SPOCK3: variants seen among roughly 807,000 people sequenced by gnomAD.
SPOCK3 encodes testican-3.
Under a neutral mutation model 56.6 loss-of-function variants are expected in SPOCK3, and 30 were observed. That is an observed-to-expected ratio of 0.53 (90% CI 0.40 to 0.72). The LOEUF (loss-of-function observed/expected upper bound fraction) is 0.72, where lower values mean the gene tolerates loss of function less well. Among genes scored for constraint, SPOCK3 ranks in the 30% least tolerant of loss-of-function variants. The pLI, the probability that SPOCK3 is intolerant of heterozygous loss-of-function variation, is 0.00. For missense variants in SPOCK3, 527 were observed against 530.0 expected, an observed-to-expected ratio of 0.99 and a Z score of 0.06; for synonymous variants, 196 against 183.3, an observed-to-expected ratio of 1.07 and a Z score of -0.56.
intron 2 of SPOCK3, among the ~76,000 whole-genome samples, chr4:167,214,659 G>C (rs1735193420): frequency 6.6e-6 from 1 of 152,014 alleles, no homozygotes; most frequent in South Asian, 2.1e-4. Flanking sequence ...TCACTTTTCT[G>C]TAATTTTACA....
intron 7 of SPOCK3, among the ~76,000 whole-genome samples, chr4:166,767,200 C>A (rs929657844): frequency 2.0e-5 from 3 of 152,108 alleles, no homozygotes; most frequent in Non-Finnish European, 2.9e-5. Flanking sequence ...CAGTTCTGCT[C>A]TGATCTTAGT....
intron 2 of SPOCK3, among the ~76,000 whole-genome samples, chr4:167,233,007 A>T (rs1243867179): frequency 1.3e-5 from 2 of 152,174 alleles, no homozygotes; most frequent in Non-Finnish European, 2.9e-5. Flanking sequence ...TGTCACGGTA[A>T]GGATTGGCAA....
At chr4:166,950,869 G>A (rs1412158849) in intron 4 of SPOCK3, among the ~76,000 whole-genome samples, 2 of 147,276 alleles carry the variant, frequency 1.4e-5, no homozygotes, top group Non-Finnish European at 3.0e-5. Context: ...CAGAAATAAA[G>A]ATGTTCTTTG....
intron 2 of SPOCK3, chr4:167,119,978 C>T (rs1761733252): frequency 6.2e-6 from 4 of 644,930 alleles, no homozygotes; most frequent in Admixed American, 3.2e-5. Flanking sequence ...ATGGGTAAAT[C>T]GCTTCCACTG....
chr4:167,078,546 A>G (rs1163609290), intron 2 of SPOCK3, among the ~76,000 whole-genome samples: 1 of 151,700 alleles, frequency 6.6e-6, no homozygotes, highest in Non-Finnish European at 1.5e-5. Context: ...AGGTTGATGT[A>G]TGCATTCTGG....
chr4:166,962,838 C>G (rs114928820), intron 4 of SPOCK3, among the ~76,000 whole-genome samples: 4,907 of 152,104 alleles, frequency 0.032, 135 homozygotes, highest in African/African-American at 0.071. Flanking sequence ...CCAGATGAAA[C>G]TTCATCAGAC....
At chr4:166,983,407 T>G (rs10007949) in intron 4 of SPOCK3, among the ~76,000 whole-genome samples, 1,834 of 152,238 alleles carry the variant, frequency 0.012, 38 homozygotes, top group African/African-American at 0.042. Context: ...TGTTAGCTTC[T>G]ATGTATTAGT....
At chr4:167,075,907 T>C (rs1034597594) in intron 2 of SPOCK3, among the ~76,000 whole-genome samples, 17 of 151,946 alleles carry the variant, frequency 1.1e-4, no homozygotes, top group African/African-American at 4.1e-4. Context: ...AATGTAGCCA[T>C]GGAAGATAAA....
At chr4:166,949,566 C>A (rs1337798995) in intron 4 of SPOCK3, among the ~76,000 whole-genome samples, 2 of 152,112 alleles carry the variant, frequency 1.3e-5, no homozygotes, top group Non-Finnish European at 2.9e-5. Flanking sequence ...ACAGACAGGA[C>A]CCTTAGCTGC....
At chr4:166,942,923 T>C (rs550036969) in intron 4 of SPOCK3, among the ~76,000 whole-genome samples, 1 of 152,322 alleles carries the variant, frequency 6.6e-6, no homozygotes, top group South Asian at 2.1e-4. Flanking sequence ...AACTTTGACA[T>C]GTGGAAGCTG....
chr4:166,975,920 A>C (rs1009708128), intron 4 of SPOCK3, among the ~76,000 whole-genome samples: 1 of 152,116 alleles, frequency 6.6e-6, no homozygotes, highest in African/African-American at 2.4e-5. Flanking sequence ...TCATCTGCTC[A>C]TGGACCCTGA....
At chr4:167,097,839 A>T (rs1227244070) in intron 2 of SPOCK3, among the ~76,000 whole-genome samples, 1 of 152,044 alleles carries the variant, frequency 6.6e-6, no homozygotes, top group Non-Finnish European at 1.5e-5. Flanking sequence ...TGTGATACAT[A>T]TACACTATGG....
intron 6 of SPOCK3, among the ~76,000 whole-genome samples, chr4:166,807,498 TC>T (rs1363772343): frequency 1.3e-5 from 2 of 152,144 alleles, no homozygotes; most frequent in African/African-American, 4.8e-5. Context: ...TGTCCTGTGT[TC>T]TTTAATAAAG....
chr4:166,976,101 A>G (rs1054207680), intron 4 of SPOCK3, among the ~76,000 whole-genome samples: 2 of 151,202 alleles, frequency 1.3e-5, no homozygotes, highest in Non-Finnish European at 3.0e-5. Context: ...TACATACAAC[A>G]CTCTCCACCC....
chr4:167,227,626 G>C (rs1736722984), intron 2 of SPOCK3, among the ~76,000 whole-genome samples: 2 of 152,040 alleles, frequency 1.3e-5, no homozygotes, highest in African/African-American at 4.8e-5. Context: ...GAATAGAAAA[G>C]ATGAAATGAT....
chr4:167,112,890 C>A (rs2150349936), intron 2 of SPOCK3, among the ~76,000 whole-genome samples: 1 of 151,794 alleles, frequency 6.6e-6, no homozygotes, highest in East Asian at 1.9e-4. Flanking sequence ...AAGTGTAAAC[C>A]AAGAACTACA....
chr4:167,119,383 G>A (rs1274034576), intron 2 of SPOCK3, among the ~76,000 whole-genome samples: 1 of 152,098 alleles, frequency 6.6e-6, no homozygotes, highest in African/African-American at 2.4e-5. Context: ...AAATACATAT[G>A]AGAGCAGATG....
At chr4:166,791,188 C>A (rs1441300632) in intron 7 of SPOCK3, among the ~76,000 whole-genome samples, 1 of 152,096 alleles carries the variant, frequency 6.6e-6, no homozygotes, top group Non-Finnish European at 1.5e-5. Context: ...TGCATTAAAT[C>A]ATTTCACTAT....
At chr4:166,739,040 G>A (rs1000513313) in intron 9 of SPOCK3, among the ~76,000 whole-genome samples, 39 of 151,942 alleles carry the variant, frequency 2.6e-4, no homozygotes, top group African/African-American at 8.2e-4. Flanking sequence ...CTGAGGAATT[G>A]CCACACTGAC....
Sources: gnomAD v4.1 joint callset for allele counts (sites outside exome capture counted in the v4.1 genomes callset) on GRCh38, gnomAD v4.1.1 for gene constraint, MANE v1.5 for transcripts, NCBI Gene and HGNC (gene_info 2026-07-23, HGNC 2026-07-21) for gene names.